ANKRD11: variants seen among roughly 807,000 people sequenced by gnomAD.
ANKRD11 encodes ankyrin repeat domain 11.
ANKRD11 carries 17 observed loss-of-function variants against 195.7 expected under a neutral mutation model. The ratio of observed to expected loss-of-function variants is 0.09; its 90% CI spans 0.06 to 0.13. The LOEUF (loss-of-function observed/expected upper bound fraction) is 0.13, where lower values mean the gene tolerates loss of function less well. Among genes scored for constraint, ANKRD11 ranks in the 10% least tolerant of loss-of-function variants. The pLI, the probability that ANKRD11 is intolerant of heterozygous loss-of-function variation, is 1.00. For missense variants in ANKRD11, 3,735 were observed against 3,566.1 expected, an observed-to-expected ratio of 1.05 and a Z score of -1.21; for synonymous variants, 1,953 against 1,528.1, an observed-to-expected ratio of 1.28 and a Z score of -6.49.
At chr16:89,359,389 C>T (rs1330869615) in intron 2 of ANKRD11, among the ~76,000 whole-genome samples, 1 of 152,234 alleles carries the variant, frequency 6.6e-6, no homozygotes, top group Non-Finnish European at 1.5e-5. Flanking sequence ...CAGCCAGCTC[C>T]TGGAGCCAGC....
In ANKRD11 at chr16:89,366,355, C is replaced by A. The variant is rs564319823; in HGVS notation, c.-59-49277G>T. ...TCTGGGTATATACCCAGTAATGAGA[C>A]TGCTGGGTCAAATGGTAGTTCTGGT... On this transcript the variant is annotated intron_variant, in intron 2 of 12. Transcript: ENST00000301030. Among the ~76,000 whole-genome samples the A allele has an allele frequency of 2.0e-5, 3 of 152,234 alleles. No homozygotes were observed. In the South Asian group the frequency reaches 6.2e-4, roughly 32 times the overall value.
intron 1 of ANKRD11, among the ~76,000 whole-genome samples, chr16:89,438,282 G>A (rs1293047101): frequency 1.3e-5 from 2 of 152,018 alleles, no homozygotes; most frequent in Non-Finnish European, 2.9e-5. Context: ...AAAATGTGCA[G>A]AAGGCGTAGG....
chr16:89,435,433 G>A (rs555942305), intron 1 of ANKRD11, among the ~76,000 whole-genome samples: 8 of 152,236 alleles, frequency 5.3e-5, no homozygotes, highest in African/African-American at 7.2e-5. Context: ...AATAAATCTT[G>A]CTGCTGCTCA....
intron 2 of ANKRD11, among the ~76,000 whole-genome samples, chr16:89,352,446 T>G (rs2039266632): frequency 6.6e-6 from 1 of 150,856 alleles, no homozygotes; most frequent in African/African-American, 2.4e-5. Flanking sequence ...GGAGGGCACT[T>G]GCTGATGCTG....
At chr16:89,332,319 C>T (rs140232448) in intron 2 of ANKRD11, among the ~76,000 whole-genome samples, 18 of 152,272 alleles carry the variant, frequency 1.2e-4, no homozygotes, top group African/African-American at 3.1e-4. Flanking sequence ...TCTTCAGCTC[C>T]GTGAAGTCCT....
At chr16:89,375,981 G>C (rs1597833263) in intron 2 of ANKRD11, among the ~76,000 whole-genome samples, 1 of 152,150 alleles carries the variant, frequency 6.6e-6, no homozygotes, top group Admixed American at 6.6e-5. Flanking sequence ...TGCTGTGGAT[G>C]CTTTTCAAAA....
At chr16:89,372,891 C>T (rs551867252) in intron 2 of ANKRD11, 1 of 152,340 alleles carries the variant, frequency 6.6e-6, no homozygotes, top group Admixed American at 6.5e-5. Context: ...GTTTACGGAC[C>T]CCGGAAGCTC....
At chr16:89,379,157 T>C (rs374704732) in intron 2 of ANKRD11, among the ~76,000 whole-genome samples, 3 of 152,330 alleles carry the variant, frequency 2.0e-5, no homozygotes, top group African/African-American at 7.2e-5. Flanking sequence ...CCCCCATGCC[T>C]GCCCCGGCAC....
At chr16:89,451,752 T>G (rs1049278019) in intron 1 of ANKRD11, among the ~76,000 whole-genome samples, 1 of 152,036 alleles carries the variant, frequency 6.6e-6, no homozygotes, top group Non-Finnish European at 1.5e-5. Context: ...CAAACTTAAC[T>G]AAAAATCACT....
At chr16:89,272,066 TC>T (rs1414493531) in intron 11 of ANKRD11, 14 of 151,814 alleles carry the variant, frequency 9.2e-5, no homozygotes, top group Admixed American at 8.5e-4. Context: ...AATAATCCCA[TC>T]AAAAAAACGG....
At chr16:89,389,056 A>G (rs2041056146) in intron 2 of ANKRD11, among the ~76,000 whole-genome samples, 3 of 152,252 alleles carry the variant, frequency 2.0e-5, no homozygotes, top group African/African-American at 7.2e-5. Context: ...TGAGCAAAAA[A>G]TAAATAGGAC....
chr16:89,341,855 T>TCCA (rs1473360146), intron 2 of ANKRD11, among the ~76,000 whole-genome samples: 8 of 141,882 alleles, frequency 5.6e-5, no homozygotes, highest in African/African-American at 2.3e-4. Context: ...GTGCTGCACC[T>TCCA]CCACCCACAG....
At chr16:89,312,710 G>A (rs1194229023) in intron 3 of ANKRD11, among the ~76,000 whole-genome samples, 4 of 152,210 alleles carry the variant, frequency 2.6e-5, no homozygotes, top group Non-Finnish European at 4.4e-5. Flanking sequence ...CATCAGACAC[G>A]GCCTCCTGCT....
At chr16:89,446,813 A>G (rs1304587289) in intron 1 of ANKRD11, among the ~76,000 whole-genome samples, 2 of 151,986 alleles carry the variant, frequency 1.3e-5, no homozygotes, top group Non-Finnish European at 2.9e-5. Flanking sequence ...TCAAACCTCG[A>G]GCATCCGCTT....
chr16:89,406,643 A>G (rs1040507672), intron 2 of ANKRD11, among the ~76,000 whole-genome samples: 8 of 152,186 alleles, frequency 5.3e-5, no homozygotes, highest in African/African-American at 1.7e-4. Flanking sequence ...CATCAGACAC[A>G]GGGTTTTAGT....
intron 2 of ANKRD11, among the ~76,000 whole-genome samples, chr16:89,376,094 C>A (rs990189413): frequency 7.9e-5 from 12 of 152,172 alleles, no homozygotes; most frequent in Non-Finnish European, 1.6e-4. Flanking sequence ...TTGTGAAATA[C>A]CTTTTTATCT....
At chr16:89,389,835 G>T (rs1282727653) in intron 2 of ANKRD11, among the ~76,000 whole-genome samples, 3 of 142,204 alleles carry the variant, frequency 2.1e-5, no homozygotes, top group Non-Finnish European at 4.5e-5. Flanking sequence ...GGCAAACACC[G>T]AGTGTGGCGG....
chr16:89,416,275 G>C (rs1017907383), intron 2 of ANKRD11, among the ~76,000 whole-genome samples: 2 of 151,946 alleles, frequency 1.3e-5, no homozygotes, highest in East Asian at 3.9e-4. Context: ...CCTTTAATCA[G>C]AGAAGCCTGT....
At chr16:89,288,424 C>T in intron 7 of ANKRD11, 104 bp downstream of exon 7, 2 of 1,567,686 alleles carry the variant, frequency 1.3e-6, no homozygotes, top group African/African-American at 2.7e-5. Flanking sequence ...ACTCGCTTTC[C>T]TGTGCCCCAC....
Sources: gnomAD v4.1 joint callset for allele counts (sites outside exome capture counted in the v4.1 genomes callset) on GRCh38, gnomAD v4.1.1 for gene constraint, MANE v1.5 for transcripts, NCBI Gene and HGNC (gene_info 2026-07-23, HGNC 2026-07-21) for gene names.